PARVB: variants seen among roughly 807,000 people sequenced by gnomAD.
The protein encoded by PARVB is beta-parvin.
A neutral mutation model predicts 47.0 loss-of-function variants in PARVB; 46 were observed. The ratio of observed to expected loss-of-function variants is 0.98; its 90% CI spans 0.77 to 1.25. The LOEUF (loss-of-function observed/expected upper bound fraction) is 1.25. Among genes scored for constraint, PARVB ranks in the 50% most tolerant of loss-of-function variants. The pLI is 0.00. For synonymous variants in PARVB, 196 were observed against 196.3 expected (o/e 1.00, Z 0.01); for missense variants, 473 against 471.6 (o/e 1.00, Z -0.03).
intron 4 of PARVB, among the ~76,000 whole-genome samples, chr22:44,122,576 G>GAC (rs1569134616): frequency 8.7e-6 from 1 of 114,644 alleles, no homozygotes; most frequent in Admixed American, 8.3e-5. Context: ...GAGAGAGAGA[G>GAC]AGAGAGAGAG....
Position 44,172,798 on chromosome 22 carries a change from TG to T in PARVB, c.*4122del. On this transcript the variant is annotated 3_prime_UTR_variant, in exon 13 of 13. Coordinates refer to ENST00000338758, the MANE Select transcript of PARVB (RefSeq NM_013327.5). ...GGCCATGCTGTTTGTCAGGCCCACC[TG>T]GCTGAGTGCAGGAAGCAAGCGCTTT... 2.8e-6 allele frequency: 1 copy of T among 359,726 alleles called. No homozygotes were observed. Among genetic ancestry groups the T allele is most frequent in the South Asian group, 2.3e-5 (1 of 44,176 alleles). 22.3% of individuals were successfully genotyped at this position (359,726 alleles called of 1,614,324 possible). A position where few individuals can be genotyped will look rare whatever the true frequency, so the allele number is the denominator to read the frequency against.
intron 7 of PARVB, 101 bp from the exon 8 acceptor site, chr22:44,140,023 A>T: frequency 1.4e-5 from 2 of 141,994 alleles, no homozygotes; most frequent in Non-Finnish European, 2.2e-5. Context: ...GCGAGGGCCC[A>T]GCTTTCTGGC....
intron 11 of PARVB, chr22:44,162,771 C>T (rs1363198117): frequency 6.6e-6 from 1 of 152,230 alleles, no homozygotes; most frequent in Non-Finnish European, 1.5e-5. Flanking sequence ...GCCGGCATCC[C>T]TCTGAGTGGT....
chr22:44,031,500 T>C (rs2050826346), intron 1 of PARVB: 1 of 152,032 alleles, frequency 6.6e-6, no homozygotes, highest in South Asian at 2.1e-4. Context: ...TCTGCTTCTG[T>C]AGAAAAGGTA....
At chr22:44,147,966 C>A in intron 9 of PARVB, 44 bp downstream of exon 9, 2 of 1,541,266 alleles carry the variant, frequency 1.3e-6, no homozygotes, top group South Asian at 1.1e-5. Flanking sequence ...CCCTGGCTCG[C>A]GGCTTTTTGA....
chr22:44,050,644 G>T (rs1392009962), intron 1 of PARVB, among the ~76,000 whole-genome samples: 1 of 152,098 alleles, frequency 6.6e-6, no homozygotes, highest in Non-Finnish European at 1.5e-5. Context: ...GGCCAGTCCT[G>T]CACTCTTCAA....
At chr22:44,152,781 G>A (rs536721838) in intron 10 of PARVB, 3 of 152,192 alleles carry the variant, frequency 2.0e-5, no homozygotes, top group South Asian at 2.1e-4. Flanking sequence ...GCTTGAATGC[G>A]GAGGTTTTTG....
chr22:44,087,082 G>A (rs2052041161), intron 1 of PARVB: 2 of 152,404 alleles, frequency 1.3e-5, no homozygotes, highest in South Asian at 4.1e-4. Context: ...GAAGTGGGTA[G>A]GATTTGAAAA....
chr22:44,007,322 C>T (rs1468025964), intron 2 of PARVB, among the ~76,000 whole-genome samples: 4 of 152,170 alleles, frequency 2.6e-5, no homozygotes, highest in East Asian at 1.9e-4. Context: ...CATCCTTTCC[C>T]GTGCTGCTTT....
At chr22:44,122,522 GA>G (rs2053078498) in intron 4 of PARVB, among the ~76,000 whole-genome samples, 1 of 78,200 alleles carries the variant, frequency 1.3e-5, no homozygotes, top group African/African-American at 6.5e-5. Flanking sequence ...GAGAGAGACA[GA>G]GAGACAGAGA....
At position 44,049,132 on chromosome 22, in the gene PARVB, A is replaced by G. The variant is rs2051164222; in HGVS notation, c.112+24681A>G. Among the ~76,000 whole-genome samples, 3 of 152,280 alleles carry G rather than the reference A, an allele frequency of 2.0e-5. No homozygotes were observed. In the South Asian group the frequency reaches 6.2e-4, roughly 32 times the overall value. On this transcript the variant is annotated intron_variant, in intron 1 of 12. Coordinates refer to ENST00000338758, the MANE Select transcript of PARVB (RefSeq NM_013327.5). The surrounding 1 kb of genome is among the most constrained non-coding windows in gnomAD (Gnocchi z 4.0). ...TGTGCCACTTCCCCTGCAAAATGAG[A>G]TGAAAATGAGTCTCATTTTACGATG... is the stretch of plus-strand genomic sequence containing the variant.
chr22:44,140,356 C>A lies in PARVB; in HGVS notation c.712+213C>A. On this transcript the variant is annotated intron_variant, in intron 8 of 12. Coordinates refer to ENST00000338758, the MANE Select transcript of PARVB (RefSeq NM_013327.5). Reference sequence around the variant, plus strand: ...CAGAGCTGAGAGTGGCTGGGTTGTGCTAGGAGGAGTGGGGTGGAAGGCTGG... The same window carrying A: ...CAGAGCTGAGAGTGGCTGGGTTGTGATAGGAGGAGTGGGGTGGAAGGCTGG... 4.2e-6 allele frequency: 3 copies of A among 707,586 alleles called. No homozygotes were observed. The Admixed American group carries it at 6.0e-5, about 14-fold the overall frequency. 43.8% of individuals were successfully genotyped at this position (707,586 alleles called of 1,614,324 possible). A position where few individuals can be genotyped will look rare whatever the true frequency, so the allele number is the denominator to read the frequency against.
At chr22:44,065,184 C>G (rs1323812421) in intron 1 of PARVB, among the ~76,000 whole-genome samples, 1 of 151,992 alleles carries the variant, frequency 6.6e-6, no homozygotes, top group Admixed American at 6.6e-5. Flanking sequence ...GACCCTTTGT[C>G]TATCTGCTTC....
chr22:44,016,967 CT>C, intron 2 of PARVB, among the ~76,000 whole-genome samples: 1 of 152,258 alleles, frequency 6.6e-6, no homozygotes, highest in African/African-American at 2.4e-5. Flanking sequence ...CCTCTGCCTC[CT>C]GGGTTCAAGT....
intron 1 of PARVB, among the ~76,000 whole-genome samples, chr22:44,061,611 C>T (rs1336636178): frequency 2.0e-5 from 3 of 151,828 alleles, no homozygotes; most frequent in Non-Finnish European, 2.9e-5. Flanking sequence ...GGGACACATC[C>T]GGCAACTCAG....
At position 44,087,234 on chromosome 22, in the gene PARVB, C is replaced by T. The variant is rs185785860; in HGVS notation, c.113-6694C>T. Among the ~76,000 whole-genome samples, 81 of 152,314 alleles carry T rather than the reference C, an allele frequency of 5.3e-4. 1 individual carries two copies. Among genetic ancestry groups the T allele is most frequent in the Admixed American group, 2.5e-3 (39 of 15,298 alleles). Reference sequence around the variant, plus strand: ...GACGGGGCCCTCTGAAATTTCTCGCCCTGATCTTTTGTTCTCTATGAAAAC... The same window carrying T: ...GACGGGGCCCTCTGAAATTTCTCGCTCTGATCTTTTGTTCTCTATGAAAAC... On this transcript the variant is annotated intron_variant, in intron 1 of 12. Transcript: ENST00000338758.
At chr22:44,081,284 G>A (rs775833268) in intron 1 of PARVB, among the ~76,000 whole-genome samples, 2 of 152,110 alleles carry the variant, frequency 1.3e-5, no homozygotes, top group African/African-American at 4.8e-5. Context: ...CTTTTGGAAG[G>A]GGCCTGTCTC....
intron 1 of PARVB, among the ~76,000 whole-genome samples, chr22:44,046,752 G>A (rs1045427383): frequency 2.0e-5 from 3 of 152,254 alleles, no homozygotes; most frequent in African/African-American, 7.2e-5. Flanking sequence ...AGACCTTGGG[G>A]TGTTCCCACC....
At chr22:44,084,058 C>T (rs561508533) in intron 1 of PARVB, among the ~76,000 whole-genome samples, 2 of 152,324 alleles carry the variant, frequency 1.3e-5, no homozygotes, top group East Asian at 3.9e-4. Context: ...CGAGCTCTTT[C>T]GATCTGGTGC....
Sources: allele counts gnomAD v4.1 joint callset (sites outside exome capture counted in the v4.1 genomes callset), GRCh38; gene constraint gnomAD v4.1.1; non-coding constraint Gnocchi (gnomAD v3.1); transcripts MANE v1.5; gene names NCBI Gene and HGNC (gene_info 2026-07-23, HGNC 2026-07-21).